The following RREB1 variants were observed in gnomAD, a reference collection of about 807,000 sequenced individuals.
RREB1 encodes ras-responsive element-binding protein 1.
A neutral mutation model predicts 117.8 loss-of-function variants in RREB1; 27 were observed. That is an observed-to-expected ratio of 0.23 (90% CI 0.17 to 0.32). RREB1 has a LOEUF of 0.32. Ranked by LOEUF, RREB1 falls within the 10% of genes least tolerant of loss-of-function variation. RREB1 has a pLI of 1.00. For synonymous variants in RREB1, 1,298 were observed against 1,026.7 expected, an observed-to-expected ratio of 1.26 and a Z score of -5.05; for missense variants, 2,577 against 2,378.2, an observed-to-expected ratio of 1.08 and a Z score of -1.74.
At chr6:7,215,779 C>T (rs1766863571) in intron 8 of RREB1, 1 of 152,248 alleles carries the variant, frequency 6.6e-6, no homozygotes, top group South Asian at 2.1e-4. Flanking sequence ...ATTCTTGCTT[C>T]CATGTACTGA....
chr6:7,188,119 G>T (rs1482776287), intron 5 of RREB1, among the ~76,000 whole-genome samples: 3 of 152,144 alleles, frequency 2.0e-5, no homozygotes, highest in Non-Finnish European at 4.4e-5. Context: ...AGTGACCCAA[G>T]ATTGCGCCAC....
intron 1 of RREB1, among the ~76,000 whole-genome samples, chr6:7,165,988 G>T (rs576392685): frequency 7.2e-5 from 11 of 152,326 alleles, no homozygotes; most frequent in African/African-American, 2.6e-4. Context: ...TCCAAAGCAA[G>T]TGAACAAGTG....
intron 5 of RREB1, among the ~76,000 whole-genome samples, chr6:7,188,256 C>CAT (rs1765204926): frequency 1.1e-5 from 1 of 87,478 alleles, no homozygotes; most frequent in Admixed American, 1.3e-4. Context: ...TGTGTGTGCG[C>CAT]GCGCGCACGT....
chr6:7,127,988 A>G (rs989759641), intron 1 of RREB1, among the ~76,000 whole-genome samples: 1 of 152,080 alleles, frequency 6.6e-6, no homozygotes, highest in Admixed American at 6.5e-5. Context: ...CCCCAAAGAC[A>G]ATTAATGGTG....
intron 1 of RREB1, among the ~76,000 whole-genome samples, chr6:7,118,956 G>A (rs910082176): frequency 1.1e-4 from 17 of 151,332 alleles, no homozygotes; most frequent in African/African-American, 3.6e-4. Flanking sequence ...GCCTCCCATG[G>A]TGTTATTATT....
chr6:7,234,261 C>T (rs567677372), intron 10 of RREB1, among the ~76,000 whole-genome samples: 1 of 152,242 alleles, frequency 6.6e-6, no homozygotes, highest in South Asian at 2.1e-4. Context: ...ACCTGTTTAT[C>T]GCCTACTGAG....
At chr6:7,236,895 T>TG (rs902970461) in intron 10 of RREB1, among the ~76,000 whole-genome samples, 6 of 134,698 alleles carry the variant, frequency 4.5e-5, no homozygotes, top group African/African-American at 1.4e-4. Flanking sequence ...AGGTTTTTTT[T>TG]TTTTTTTTTT....
At chr6:7,129,738 T>G (rs1762075174) in intron 1 of RREB1, among the ~76,000 whole-genome samples, 1 of 152,228 alleles carries the variant, frequency 6.6e-6, no homozygotes, top group South Asian at 2.1e-4. Flanking sequence ...TAACATCCTG[T>G]TGTCGGAAAG....
chr6:7,205,097 G>A (rs966262838), intron 6 of RREB1, among the ~76,000 whole-genome samples: 40 of 152,200 alleles, frequency 2.6e-4, no homozygotes, highest in African/African-American at 9.2e-4. Context: ...TCAAATGGTT[G>A]ACCGAACCTG....
At chr6:7,162,272 C>CA (rs1220107143) in intron 1 of RREB1, among the ~76,000 whole-genome samples, 35 of 151,040 alleles carry the variant, frequency 2.3e-4, no homozygotes, top group African/African-American at 8.3e-4. Context: ...GCAGTTTACC[C>CA]TAAAAAAAAA....
intron 10 of RREB1, among the ~76,000 whole-genome samples, chr6:7,239,676 T>C (rs1768566683): frequency 1.3e-5 from 2 of 152,206 alleles, no homozygotes; most frequent in South Asian, 2.1e-4. Context: ...CATGCACATC[T>C]GTTGAGTGGA....
At chr6:7,225,801 G>A (rs1767549967) in intron 8 of RREB1, among the ~76,000 whole-genome samples, 1 of 152,080 alleles carries the variant, frequency 6.6e-6, no homozygotes, top group African/African-American at 2.4e-5. Flanking sequence ...GATCACCGGT[G>A]TTCATCTGGA....
At chr6:7,179,702 T>C (rs1764690500) in intron 2 of RREB1, among the ~76,000 whole-genome samples, 1 of 152,224 alleles carries the variant, frequency 6.6e-6, no homozygotes, top group Non-Finnish European at 1.5e-5. Flanking sequence ...TACACACTCA[T>C]GTATGCACTT....
intron 5 of RREB1, among the ~76,000 whole-genome samples, chr6:7,188,030 A>T (rs1342018540): frequency 6.6e-6 from 1 of 152,088 alleles, no homozygotes; most frequent in Non-Finnish European, 1.5e-5. Flanking sequence ...TTAGCCAGGC[A>T]TGGTGGCATG....
In RREB1 at chr6:7,229,895, A is replaced by G. The variant is rs1767819637; in HGVS notation, c.1796A>G (p.Asp599Gly). The change falls in exon 10 of 13, where the codon GAC (aspartate) becomes GGC (glycine). Residue 599 changes from aspartate to glycine, a missense_variant. Physicochemically the swap from Asp to Gly is moderately conservative, Grantham distance 94 (BLOSUM62 -1). Coordinates refer to ENST00000379938, the MANE Select transcript of RREB1 (RefSeq NM_001003699.4). This position sits in a 1 kb window ranked among gnomAD's most constrained non-coding sequence, Gnocchi z 4.5. ...QPEMKTQLEQDSIIEALLPLS... is the reference protein window; with the variant it reads ...QPEMKTQLEQGSIIEALLPLS... ...GAGATGAAGACGCAGCTGGAGCAGG[A>G]CAGCATCATCGAGGCCCTGCTGCCG... 1 of 1,605,126 alleles carries G rather than the reference A, an allele frequency of 6.2e-7. No individual in the cohort carries two copies. Among genetic ancestry groups the G allele is most frequent in the Non-Finnish European group, 8.5e-7 (1 of 1,174,020 alleles).
intron 10 of RREB1, among the ~76,000 whole-genome samples, chr6:7,233,157 A>G (rs990485430): frequency 2.0e-5 from 3 of 152,196 alleles, no homozygotes; most frequent in African/African-American, 7.2e-5. Flanking sequence ...TGGCCTCTCA[A>G]AGTGCTGGGA....
chr6:7,139,819 G>C (rs1451264030), intron 1 of RREB1, among the ~76,000 whole-genome samples: 1 of 152,116 alleles, frequency 6.6e-6, no homozygotes, highest in Non-Finnish European at 1.5e-5. Context: ...TTATCAGTCA[G>C]AACTTTTAGA....
chr6:7,197,625 C>G lies in RREB1; in HGVS notation c.425+8303C>G, dbSNP rs185333982. 2.7e-3 allele frequency among the ~76,000 whole-genome samples: 404 copies of G among 152,296 alleles called. 2 individuals are homozygous for G. Among genetic ancestry groups the G allele is most frequent in the African/African-American group, 9.1e-3 (378 of 41,556 alleles). On this transcript the variant is annotated intron_variant, in intron 6 of 12. Coordinates refer to ENST00000379938, the MANE Select transcript of RREB1 (RefSeq NM_001003699.4). ...AGGCTGCAGTGAGCTGAGATCACGC[C>G]GCTGCACTCCAGCCTGGGCAACAAA...
At chr6:7,236,282 G>A (rs1420997049) in intron 10 of RREB1, among the ~76,000 whole-genome samples, 2 of 152,154 alleles carry the variant, frequency 1.3e-5, no homozygotes, top group Non-Finnish European at 2.9e-5. Flanking sequence ...GGGACTATGG[G>A]GTGTCCATTC....
Sources: allele counts gnomAD v4.1 joint callset (sites outside exome capture counted in the v4.1 genomes callset), GRCh38; gene constraint gnomAD v4.1.1; non-coding constraint Gnocchi (gnomAD v3.1); transcripts MANE v1.5; gene names NCBI Gene and HGNC (gene_info 2026-07-23, HGNC 2026-07-21).